Variants in EPN2 observed in about 807,000 individuals in gnomAD.
EPN2 encodes the protein epsin-2.
A neutral mutation model predicts 61.7 loss-of-function variants in EPN2; 34 were observed. That is an observed-to-expected ratio of 0.55 (90% CI 0.42 to 0.73). The LOEUF (loss-of-function observed/expected upper bound fraction) is 0.73. EPN2 is among the 30% of genes least tolerant of loss of function. The pLI is 0.00. For synonymous variants in EPN2, 349 were observed against 353.6 expected (o/e 0.99, Z 0.15); for missense variants, 714 against 839.2 (o/e 0.85, Z 1.84).
chr17:19,320,649 T>G (rs1339138453), intron 7 of EPN2, among the ~76,000 whole-genome samples: 1 of 152,190 alleles, frequency 6.6e-6, no homozygotes, highest in Non-Finnish European at 1.5e-5. Flanking sequence ...GAACCATGGT[T>G]GAGAACCACT....
At chr17:19,270,871 G>A (rs1379081328) in intron 1 of EPN2, among the ~76,000 whole-genome samples, 1 of 152,190 alleles carries the variant, frequency 6.6e-6, no homozygotes, top group African/African-American at 2.4e-5. Flanking sequence ...TGTGGAGCAT[G>A]TGTTAAGCAC....
chr17:19,273,703 GA>G (rs146247155), intron 1 of EPN2, among the ~76,000 whole-genome samples: 3,332 of 152,266 alleles, frequency 0.022, 59 homozygotes, highest in East Asian at 0.084. Flanking sequence ...GAAGTCATCA[GA>G]ATATAGATGC....
intron 1 of EPN2, among the ~76,000 whole-genome samples, chr17:19,240,685 G>A (rs1158513750): frequency 6.6e-6 from 1 of 152,156 alleles, no homozygotes; most frequent in Non-Finnish European, 1.5e-5. Flanking sequence ...TAGCTCGTCC[G>A]ATGTTTGGCC....
chr17:19,289,724 G>GTTTTTTTTTTTTTTTTTTTTTTTTTTTTT lies in EPN2; in HGVS notation c.766+3954_766+3955insTTTTTTTTTTTTTTTTTTTTTTTTTTTTT, dbSNP rs58087532. On this transcript the variant is annotated intron_variant, in intron 4 of 10. Transcript: ENST00000314728. ...TGTTCGGCCTCACCTGGCGCTCATG[G>GTTTTTTTTTTTTTTTTTTTTTTTTTTTTT]TTTTTTTTTTTTTTTTTTTTGAGAT... Among the ~76,000 whole-genome samples, 8 of 78,028 alleles carry GTTTTTTTTTTTTTTTTTTTTTTTTTTTTT rather than the reference G, an allele frequency of 1.0e-4. 1 individual carries two copies. The highest frequency in any genetic ancestry group is 1.9e-4 in the Admixed American group (1 of 5,348). The allele number at this position is 78,028 out of a possible 152,430, so 51.2% of individuals were successfully genotyped here.
intron 5 of EPN2, among the ~76,000 whole-genome samples, chr17:19,311,304 A>G (rs1363635724): frequency 6.6e-6 from 1 of 152,140 alleles, no homozygotes; most frequent in African/African-American, 2.4e-5. Flanking sequence ...TGAGAAACAT[A>G]GGGACAGACG....
Position 19,294,586 on chromosome 17 carries a change from G to C in EPN2, c.766+8796G>C, listed in dbSNP as rs536876645. Among the ~76,000 whole-genome samples the C allele has an allele frequency of 5.3e-5, 8 of 152,274 alleles. No homozygotes were observed. In the East Asian group the frequency reaches 1.3e-3, roughly 26 times the overall value. On this transcript the variant is annotated intron_variant, in intron 4 of 10. Transcript: ENST00000314728. ...TGTCAATAAGTGTAGAAGGTTTCTC[G>C]ATGCTTTAAGGTTGAGTTTAGCAAC...
At chr17:19,267,385 T>C (rs921550549) in intron 1 of EPN2, among the ~76,000 whole-genome samples, 7 of 152,242 alleles carry the variant, frequency 4.6e-5, no homozygotes, top group Non-Finnish European at 7.4e-5. Context: ...GTGAATTTAA[T>C]GCTATGTGAA....
intron 1 of EPN2, among the ~76,000 whole-genome samples, chr17:19,238,708 T>G (rs995106487): frequency 6.6e-6 from 1 of 152,206 alleles, no homozygotes; most frequent in Non-Finnish European, 1.5e-5. Flanking sequence ...CTTTTTTATC[T>G]TTTAGGGAGA....
intron 1 of EPN2, among the ~76,000 whole-genome samples, chr17:19,237,753 C>A (rs770732515): frequency 1.2e-4 from 19 of 152,270 alleles, no homozygotes; most frequent in Admixed American, 5.2e-4. Flanking sequence ...TGGCCCCCTT[C>A]CCATCTGGAT....
chr17:19,301,609 T>C (rs192298671), intron 4 of EPN2, among the ~76,000 whole-genome samples: 9 of 152,336 alleles, frequency 5.9e-5, no homozygotes, highest in Non-Finnish European at 1.0e-4. Context: ...CTCTGACGGC[T>C]TCTGAACCCC....
chr17:19,277,171 C>T (rs1475345998), intron 1 of EPN2, among the ~76,000 whole-genome samples: 1 of 151,964 alleles, frequency 6.6e-6, no homozygotes, highest in African/African-American at 2.4e-5. Flanking sequence ...GAGGCCGAGG[C>T]GGGTGGATCA....
intron 1 of EPN2, among the ~76,000 whole-genome samples, chr17:19,259,263 G>A (rs1439555018): frequency 6.6e-6 from 1 of 150,654 alleles, no homozygotes; most frequent in Non-Finnish European, 1.5e-5. Flanking sequence ...TTTGTCAAAT[G>A]TGAGAGTCGT....
At chr17:19,320,279 T>G (rs866777510) in intron 7 of EPN2, among the ~76,000 whole-genome samples, 4 of 152,286 alleles carry the variant, frequency 2.6e-5, no homozygotes, top group East Asian at 3.9e-4. Flanking sequence ...GTAGTGGCTG[T>G]CTGTTTCTCT....
intron 10 of EPN2, among the ~76,000 whole-genome samples, chr17:19,333,081 C>T (rs1459172035): frequency 1.3e-5 from 2 of 152,212 alleles, no homozygotes; most frequent in Non-Finnish European, 2.9e-5. Flanking sequence ...CATGGCTGCC[C>T]CCAGGGGAGG....
intron 4 of EPN2, among the ~76,000 whole-genome samples, chr17:19,296,351 AT>A (rs1422445223): frequency 3.9e-5 from 6 of 151,988 alleles, no homozygotes; most frequent in Non-Finnish European, 7.4e-5. Context: ...GGGTTTCATC[AT>A]GTTGACCAGG....
At chr17:19,299,340 G>T (rs1905353586) in intron 4 of EPN2, among the ~76,000 whole-genome samples, 1 of 152,244 alleles carries the variant, frequency 6.6e-6, no homozygotes, top group East Asian at 1.9e-4. Flanking sequence ...ACCTCAGCTG[G>T]CACTGCCTGG....
intron 4 of EPN2, among the ~76,000 whole-genome samples, chr17:19,299,672 C>A (rs1412348550): frequency 1.3e-5 from 2 of 152,204 alleles, no homozygotes; most frequent in South Asian, 4.1e-4. Context: ...GAGAATGGCA[C>A]AACTTGCTTT....
At chr17:19,246,731 T>C (rs538174223) in intron 1 of EPN2, among the ~76,000 whole-genome samples, 3 of 150,050 alleles carry the variant, frequency 2.0e-5, no homozygotes, top group Admixed American at 6.8e-5. Context: ...GTTTTGTTTT[T>C]TTTTTCCCCC....
Position 19,283,060 on chromosome 17 carries a change from C to G in EPN2, c.-60C>G. 1 of 1,326,848 alleles carries G rather than the reference C, an allele frequency of 7.5e-7. No homozygotes were observed. The highest frequency in any genetic ancestry group is 1.0e-6 in the Non-Finnish European group (1 of 954,134). The allele number at this position is 1,326,848 out of a possible 1,614,324, so 82.2% of individuals were successfully genotyped here. On this transcript the variant is annotated 5_prime_UTR_variant, in exon 3 of 11. Transcript: ENST00000314728. The surrounding 1 kb of genome is among the most constrained non-coding windows in gnomAD (Gnocchi z 7.0). ...TGAACCTTCATAGGGTGCGCACTTA[C>G]CAAGGACAGGAAGGTTTCTCTGTTT... is the stretch of plus-strand genomic sequence containing the variant.
Sources: gnomAD v4.1 joint callset for allele counts (sites outside exome capture counted in the v4.1 genomes callset) on GRCh38, gnomAD v4.1.1 for gene constraint, Gnocchi (gnomAD v3.1) non-coding constraint, MANE v1.5 for transcripts, NCBI Gene and HGNC (gene_info 2026-07-23, HGNC 2026-07-21) for gene names.